Variants in HNRNPLL observed in about 807,000 individuals in gnomAD.
HNRNPLL encodes the protein heterogeneous nuclear ribonucleoprotein L-like.
In HNRNPLL, 25 loss-of-function variants were observed where a neutral mutation model predicts 67.1. The ratio of observed to expected loss-of-function variants is 0.37; its 90% confidence interval spans 0.27 to 0.52. The LOEUF is 0.52. Ranked by LOEUF, HNRNPLL falls within the 20% of genes least tolerant of loss-of-function variation. The pLI, the probability that HNRNPLL is intolerant of heterozygous loss-of-function variation, is 0.90. For synonymous variants in HNRNPLL, 267 were observed against 241.7 expected, an observed-to-expected ratio of 1.10 and a Z score of -0.97; for missense variants, 542 against 673.9, an observed-to-expected ratio of 0.80 and a Z score of 2.17.
chr2:38,580,279 A>C (rs935560276), intron 6 of HNRNPLL, among the ~76,000 whole-genome samples: 1 of 152,220 alleles, frequency 6.6e-6, no homozygotes, highest in African/African-American at 2.4e-5. Flanking sequence ...ACTGACATCA[A>C]CTGTACCAAC....
Position 38,602,671 on chromosome 2 carries a change from G to T in HNRNPLL, c.-45C>A. 1 of 1,441,740 alleles carries T rather than the reference G, an allele frequency of 6.9e-7. No homozygotes were observed. Among genetic ancestry groups the T allele is most frequent in the Middle Eastern group, 2.0e-4 (1 of 5,098 alleles). The allele number at this position is 1,441,740 out of a possible 1,614,324, so 89.3% of individuals were successfully genotyped here. On this transcript the variant is annotated 5_prime_UTR_variant, in exon 1 of 13. Transcript: ENST00000449105. ...GGCTGGCAGGCGGGTGGGGGTGGCG[G>T]TGGGGCGCGCGCCTCGGATGCCGCC... is the stretch of plus-strand genomic sequence containing the variant.
intron 4 of HNRNPLL, among the ~76,000 whole-genome samples, chr2:38,582,924 A>G (rs1573740480): frequency 6.6e-6 from 1 of 152,072 alleles, no homozygotes; most frequent in East Asian, 1.9e-4. Flanking sequence ...ATACAACCGA[A>G]CTATCTACCT....
Position 38,578,548 on chromosome 2 carries a change from T to C in HNRNPLL, c.803-1016A>G, listed in dbSNP as rs192339601. Among the ~76,000 whole-genome samples, 238 of 152,176 alleles carry C rather than the reference T, an allele frequency of 1.6e-3. 2 individuals carry two copies. The highest frequency in any genetic ancestry group is 0.01 in the Middle Eastern group (3 of 294). On this transcript the variant is annotated intron_variant, in intron 6 of 12. Transcript: ENST00000449105. ...AATGAGGTTTATGGGAGATGAGAAA[T>C]ACTTTAATTTTCACTTCAGTCTAGA...
chr2:38,588,895 G>GAA (rs1666847066), intron 2 of HNRNPLL, among the ~76,000 whole-genome samples: 1 of 152,042 alleles, frequency 6.6e-6, no homozygotes, highest in Admixed American at 6.6e-5. Flanking sequence ...ATCACAGAGA[G>GAA]AAAAGGCTAA....
rs1174922308 is a variant in HNRNPLL at position 38,602,491 on chromosome 2, T to A, written c.136A>T (p.Thr46Ser). The A allele has an allele frequency of 6.5e-7, 1 of 1,545,220 alleles. No homozygotes were observed. The highest frequency in any genetic ancestry group is 2.0e-5 in the Admixed American group (1 of 51,084). The part of the protein sequence containing the change: ...AEEGENRREA[T>S]PRGGGDGGGG... The stretch of plus-strand genomic sequence containing the variant: ...CCGCCATCGCCCCCGCCCCGGGGCG[T>A]CGCTTCCCGGCGGTTCTCGCCTTCC... The change falls in exon 1 of 13, where the codon ACG becomes TCG. Residue 46 changes from threonine to serine, a missense_variant. Physicochemically the swap from Thr to Ser is moderately conservative, Grantham distance 58. Coordinates refer to ENST00000449105, the MANE Select transcript of HNRNPLL (RefSeq NM_138394.4).
At chr2:38,579,090 C>G (rs144668832) in intron 6 of HNRNPLL, among the ~76,000 whole-genome samples, 1 of 152,068 alleles carries the variant, frequency 6.6e-6, no homozygotes, top group Non-Finnish European at 1.5e-5. Context: ...ATCTTAAAAC[C>G]ACAACAACCA....
intron 1 of HNRNPLL, among the ~76,000 whole-genome samples, chr2:38,592,822 T>A (rs1667016391): frequency 6.6e-6 from 1 of 152,236 alleles, no homozygotes; most frequent in Admixed American, 6.5e-5. Context: ...AGAAATTTTT[T>A]AAAGTTTTTT....
At chr2:38,572,763 A>AC (rs762980322) in intron 8 of HNRNPLL, among the ~76,000 whole-genome samples, 5 of 152,026 alleles carry the variant, frequency 3.3e-5, no homozygotes, top group Admixed American at 6.6e-5. Flanking sequence ...AGATAATAGA[A>AC]CCCTGGCATT....
intron 1 of HNRNPLL, among the ~76,000 whole-genome samples, chr2:38,593,294 A>G: frequency 6.6e-6 from 1 of 152,244 alleles, no homozygotes; most frequent in East Asian, 1.9e-4. Context: ...GCAAATGTGC[A>G]TGTATCATCA....
At chr2:38,579,427 AAAT>A (rs1244919097) in intron 6 of HNRNPLL, among the ~76,000 whole-genome samples, 1 of 151,788 alleles carries the variant, frequency 6.6e-6, no homozygotes, top group African/African-American at 2.4e-5. Flanking sequence ...AAATAAAATA[AAAT>A]AATTAAAAAA....
chr2:38,569,166 A>G lies in HNRNPLL; in HGVS notation c.1383T>C (p.Val461=). The change falls in exon 10 of 13, where the codon GTT becomes GTC. Residue 461 remains valine, a synonymous_variant. Coordinates refer to ENST00000449105, the MANE Select transcript of HNRNPLL (RefSeq NM_138394.4). ...AGGTCTCTTCTGTGACACACAATGGAACATTATAATAATGCAAAACACAGG... is the reference window on the plus strand; with the variant it reads ...AGGTCTCTTCTGTGACACACAATGGGACATTATAATAATGCAAAACACAGG... ...PPSCVLHYYN[V]PLCVTEETFT... 6.2e-7 allele frequency: 1 copy of G among 1,612,594 alleles called. No homozygotes were observed. The highest frequency in any genetic ancestry group is 8.5e-7 in the Non-Finnish European group (1 of 1,178,672).
chr2:38,572,706 G>C (rs760659307), intron 8 of HNRNPLL, among the ~76,000 whole-genome samples: 5 of 151,956 alleles, frequency 3.3e-5, no homozygotes, highest in Admixed American at 6.6e-5. Context: ...TATCAAAGTG[G>C]GTCAGTTTCA....
chr2:38,587,499 A>C (rs1322359569), intron 2 of HNRNPLL, among the ~76,000 whole-genome samples: 1 of 152,180 alleles, frequency 6.6e-6, no homozygotes, highest in East Asian at 1.9e-4. Flanking sequence ...AAGTACAAAA[A>C]CAAGGCGTTG....
At chr2:38,601,270 G>A (rs1338529298) in intron 1 of HNRNPLL, among the ~76,000 whole-genome samples, 2 of 152,126 alleles carry the variant, frequency 1.3e-5, no homozygotes, top group Non-Finnish European at 2.9e-5. Context: ...CTGGTAACTG[G>A]AAACTGCAAC....
At chr2:38,601,713 T>C (rs1304530121) in intron 1 of HNRNPLL, 2 of 152,122 alleles carry the variant, frequency 1.3e-5, no homozygotes, top group Non-Finnish European at 2.9e-5. Context: ...GTGGAATAAA[T>C]TACCAATGAA....
chr2:38,584,088 G>C (rs1024544366), intron 3 of HNRNPLL, among the ~76,000 whole-genome samples, 162 bp from the exon 4 acceptor site: 2 of 152,014 alleles, frequency 1.3e-5, no homozygotes, highest in African/African-American at 2.4e-5. Flanking sequence ...TTGAGACAGG[G>C]TCTCACACTG....
rs549812387 is a variant in HNRNPLL, at chr2:38,599,695, C to T, written c.189+2743G>A. Among the ~76,000 whole-genome samples the T allele has an allele frequency of 3.3e-5, 5 of 152,288 alleles. No homozygotes were observed. In the South Asian group the frequency reaches 8.3e-4, roughly 25 times the overall value. The stretch of plus-strand genomic sequence containing the variant: ...CAACATAATGATCACTCACAATTAT[C>T]CATTCATTTCTAAGTTAAGAGCCTT... On this transcript the variant is annotated intron_variant, in intron 1 of 12. Transcript: ENST00000449105.
rs758971509 is a variant in HNRNPLL at position 38,562,391 on chromosome 2, T to G, written c.*1791A>C. On this transcript the variant is annotated 3_prime_UTR_variant, in exon 13 of 13. Transcript: ENST00000449105. Reference sequence around the variant, plus strand: ...TAAACTAATTAAAATCTAAATGAAATAAGTCCTGCCAACACCTACAGGTTT... The same window carrying G: ...TAAACTAATTAAAATCTAAATGAAAGAAGTCCTGCCAACACCTACAGGTTT... The G allele has an allele frequency of 6.6e-6, 1 of 152,052 alleles. No individual in the cohort carries two copies. The highest frequency in any genetic ancestry group is 1.5e-5 in the Non-Finnish European group (1 of 67,974). 9.4% of individuals were successfully genotyped at this position (152,052 alleles called of 1,614,324 possible). A position where few individuals can be genotyped will look rare whatever the true frequency, so the allele number is the denominator to read the frequency against.
chr2:38,566,769 A>G (rs942675373), intron 12 of HNRNPLL, among the ~76,000 whole-genome samples: 6 of 151,282 alleles, frequency 4.0e-5, no homozygotes, highest in African/African-American at 1.5e-4. Context: ...GGATCACTTG[A>G]GCTCAGGAGT....
Sources: allele counts gnomAD v4.1 joint callset (sites outside exome capture counted in the v4.1 genomes callset), GRCh38; gene constraint gnomAD v4.1.1; transcripts MANE v1.5; gene names NCBI Gene and HGNC (gene_info 2026-07-23, HGNC 2026-07-21).